Variants in ZNF714 observed in about 807,000 individuals in gnomAD.
ZNF714 encodes zinc finger protein 714.
A neutral mutation model predicts 46.2 loss-of-function variants in ZNF714; 32 were observed. That is an observed-to-expected ratio of 0.69 (90% CI 0.52 to 0.93). The LOEUF (loss-of-function observed/expected upper bound fraction) is 0.93. Among genes scored for constraint, ZNF714 ranks in the 40% least tolerant of loss-of-function variants. ZNF714 has a pLI of 0.00. For missense variants in ZNF714, 635 were observed against 646.3 expected, an observed-to-expected ratio of 0.98 and a Z score of 0.19; for synonymous variants, 199 against 213.1, an observed-to-expected ratio of 0.93 and a Z score of 0.58.
intron 2 of ZNF714, among the ~76,000 whole-genome samples, chr19:21,085,431 AAAG>A (rs1968752917): frequency 6.6e-6 from 1 of 152,246 alleles, no homozygotes; most frequent in South Asian, 2.1e-4. Flanking sequence ...ATATTTTCAT[AAAG>A]GAGTAGATAC....
chr19:21,100,945 G>A (rs762393462), intron 4 of ZNF714, among the ~76,000 whole-genome samples: 5 of 151,998 alleles, frequency 3.3e-5, no homozygotes, highest in Admixed American at 2.6e-4. Flanking sequence ...TCCTGACCTC[G>A]TGATTTGCCC....
chr19:21,083,101 G>A (rs369157500), intron 1 of ZNF714, among the ~76,000 whole-genome samples: 1 of 151,600 alleles, frequency 6.6e-6, no homozygotes, highest in Admixed American at 6.6e-5. Flanking sequence ...GCAATGGGGC[G>A]ATCTTGTCTC....
rs1491262725 is a variant in ZNF714, at chr19:21,118,452, A to AAAG, written c.*122_*123insGAA. On this transcript the variant is annotated 3_prime_UTR_variant, in exon 5 of 5. Coordinates refer to ENST00000456283, the MANE Select transcript of ZNF714 (RefSeq NM_182515.4). ...GGGCCACAAGGCAAGACTCTGTCTCAAAAAAAAAAAAAAAAAGAAAAGAAA... is the reference window on the plus strand; with the variant it reads ...GGGCCACAAGGCAAGACTCTGTCTCAAAGAAAAAAAAAAAAAAAAGAAAAGAAA... 1.4e-4 allele frequency: 2 copies of AAAG among 14,542 alleles called. No individual in the cohort carries two copies. Among genetic ancestry groups the AAAG allele is most frequent in the African/African-American group, 1.9e-4 (2 of 10,638 alleles). 0.9% of individuals were successfully genotyped at this position (14,542 alleles called of 1,614,324 possible).
chr19:21,105,448 AT>A (rs1228985099), intron 4 of ZNF714, among the ~76,000 whole-genome samples: 2 of 151,772 alleles, frequency 1.3e-5, no homozygotes, highest in Non-Finnish European at 2.9e-5. Context: ...CCTAGATGAC[AT>A]TTTCAGTCTA....
chr19:21,097,132 C>T (rs1969060576), intron 2 of ZNF714, among the ~76,000 whole-genome samples: 1 of 152,142 alleles, frequency 6.6e-6, no homozygotes, highest in African/African-American at 2.4e-5. Flanking sequence ...TCCCAAAGTG[C>T]TGGGATTACA....
intron 4 of ZNF714, among the ~76,000 whole-genome samples, chr19:21,103,490 T>C (rs1032951463): frequency 1.3e-5 from 2 of 152,190 alleles, no homozygotes; most frequent in African/African-American, 4.8e-5. Context: ...GAGGCAGAGG[T>C]TGCAGTGAGC....
intron 4 of ZNF714, among the ~76,000 whole-genome samples, chr19:21,106,785 G>T (rs1034237191): frequency 5.3e-5 from 8 of 151,874 alleles, no homozygotes; most frequent in Non-Finnish European, 1.2e-4. Context: ...ATCTGCCTTT[G>T]TGTCAGTACC....
In ZNF714 at chr19:21,122,799, G is replaced by C. The variant is rs1188013567; in HGVS notation, c.*4467G>C. The stretch of plus-strand genomic sequence containing the variant: ...TTTTGATGACAAAATTCTATTTTTA[G>C]TGCACTTAAAAATGGATTTTAACTG... On this transcript the variant is annotated 3_prime_UTR_variant, in exon 5 of 5. Coordinates refer to ENST00000456283, the MANE Select transcript of ZNF714 (RefSeq NM_182515.4). 6.6e-6 allele frequency: 1 copy of C among 151,888 alleles called. No individual in the cohort carries two copies. The highest frequency in any genetic ancestry group is 6.6e-5 in the Admixed American group (1 of 15,246). The allele number at this position is 151,888 out of a possible 1,614,324, so 9.4% of individuals were successfully genotyped here.
At chr19:21,098,359 A>G (rs1969092071) in intron 3 of ZNF714, 48 bp downstream of exon 3, 3 of 1,578,152 alleles carry the variant, frequency 1.9e-6, no homozygotes, top group Non-Finnish European at 2.6e-6. Flanking sequence ...TAAACGTTTT[A>G]TGTCTCTTTT....
chr19:21,115,781 A>G (rs1308730274), intron 4 of ZNF714, among the ~76,000 whole-genome samples: 2 of 151,380 alleles, frequency 1.3e-5, no homozygotes, highest in Non-Finnish European at 3.0e-5. Flanking sequence ...CATTTTGACA[A>G]TATTTTTTCT....
chr19:21,120,934 A>G lies in ZNF714; in HGVS notation c.*2602A>G, dbSNP rs1160391782. The G allele has an allele frequency of 6.6e-6, 1 of 152,352 alleles. No individual in the cohort carries two copies. Among genetic ancestry groups the G allele is most frequent in the South Asian group, 2.1e-4 (1 of 4,834 alleles). The allele number at this position is 152,352 out of a possible 1,614,324, so 9.4% of individuals were successfully genotyped here. ...ATATTTTAGTACAGGAATACAATAT[A>G]TAATAGTAGCATCAGGGTTAAGTGA... On this transcript the variant is annotated 3_prime_UTR_variant, in exon 5 of 5. Coordinates refer to ENST00000456283, the MANE Select transcript of ZNF714 (RefSeq NM_182515.4).
At chr19:21,113,269 A>T (rs1015684107) in intron 4 of ZNF714, 1 of 152,118 alleles carries the variant, frequency 6.6e-6, no homozygotes, top group African/African-American at 2.4e-5. Flanking sequence ...TTATTTAGCC[A>T]GAAGTCATTC....
chr19:21,104,251 G>A (rs1273495489), intron 4 of ZNF714, among the ~76,000 whole-genome samples: 1 of 122,578 alleles, frequency 8.2e-6, no homozygotes, highest in Admixed American at 8.6e-5. Context: ...GATATTGGAT[G>A]TATATGTTAC....
At position 21,098,331 on chromosome 19, in the gene ZNF714, A is replaced by G. The variant is rs936902903; in HGVS notation, c.43+20A>G. 17 of 1,604,044 alleles carry G rather than the reference A, an allele frequency of 1.1e-5. No individual in the cohort carries two copies. The African/African-American group carries it at 1.3e-4, about 13-fold the overall frequency. On this transcript the variant is annotated intron_variant, in intron 3 of 4. Transcript: ENST00000456283. ...TCTTGGGTGAGAATAACTTTAATAC[A>G]TAAGTCTTAATATACCCTAAACGTT...
chr19:21,115,946 T>A (rs1214359558), intron 4 of ZNF714, among the ~76,000 whole-genome samples: 4 of 151,748 alleles, frequency 2.6e-5, no homozygotes, highest in African/African-American at 7.2e-5. Flanking sequence ...AATTTATTTT[T>A]AATTTTTAAA....
chr19:21,084,851 C>T (rs1318211983), intron 2 of ZNF714, among the ~76,000 whole-genome samples: 1 of 151,974 alleles, frequency 6.6e-6, no homozygotes, highest in East Asian at 1.9e-4. Context: ...AACTCCTGAC[C>T]TCAGATGATC....
chr19:21,089,750 G>A (rs949979415), intron 2 of ZNF714, among the ~76,000 whole-genome samples: 1 of 151,818 alleles, frequency 6.6e-6, no homozygotes, highest in Non-Finnish European at 1.5e-5. Context: ...ATAGCACAGA[G>A]TACAACAGAT....
chr19:21,088,056 G>C (rs1206708553), intron 2 of ZNF714, among the ~76,000 whole-genome samples: 1 of 152,192 alleles, frequency 6.6e-6, no homozygotes, highest in Non-Finnish European at 1.5e-5. Context: ...TGTATTAATA[G>C]TTAGGGGGTG....
chr19:21,118,702 T>C lies in ZNF714; in HGVS notation c.*370T>C. ...ACATGGCAAAGCCTTTAACAAGCCC[T>C]CAATTCTTAACAGACATAACATAAT... On this transcript the variant is annotated 3_prime_UTR_variant, in exon 5 of 5. Coordinates refer to ENST00000456283, the MANE Select transcript of ZNF714 (RefSeq NM_182515.4). 4.8e-6 allele frequency: 1 copy of C among 208,284 alleles called. No individual in the cohort carries two copies. Among genetic ancestry groups the C allele is most frequent in the South Asian group, 7.3e-5 (1 of 13,786 alleles). 12.9% of individuals were successfully genotyped at this position (208,284 alleles called of 1,614,324 possible).
Sources: gnomAD v4.1 joint callset for allele counts (sites outside exome capture counted in the v4.1 genomes callset) on GRCh38, gnomAD v4.1.1 for gene constraint, MANE v1.5 for transcripts, NCBI Gene and HGNC (gene_info 2026-07-23, HGNC 2026-07-21) for gene names.